The following THRB variants were observed in gnomAD, a reference collection of about 807,000 sequenced individuals.
THRB encodes the protein thyroid hormone receptor beta.
THRB carries 12 observed loss-of-function variants against 47.8 expected under a neutral mutation model. That is an observed-to-expected ratio of 0.25 (90% CI 0.16 to 0.41). The LOEUF (loss-of-function observed/expected upper bound fraction) is 0.41, where lower values mean the gene tolerates loss of function less well. Among genes scored for constraint, THRB ranks in the 10% least tolerant of loss-of-function variants. The probability of loss-of-function intolerance (pLI) is 1.00; values close to 1 mark genes in which losing one functional copy is unlikely to be tolerated. For missense variants in THRB, 348 were observed against 589.2 expected (o/e 0.59, Z 4.24); for synonymous variants, 218 against 212.2 (o/e 1.03, Z -0.24).
At chr3:24,261,517 A>AAC (rs2052019457) in intron 3 of THRB, among the ~76,000 whole-genome samples, 1 of 141,268 alleles carries the variant, frequency 7.1e-6, no homozygotes, top group Admixed American at 7.0e-5. Flanking sequence ...AAAAAAAAAA[A>AAC]ACCAAAAAAA....
At chr3:24,265,120 A>G (rs547990512) in intron 3 of THRB, among the ~76,000 whole-genome samples, 1 of 152,290 alleles carries the variant, frequency 6.6e-6, no homozygotes, top group South Asian at 2.1e-4. Context: ...AGAGTATTAC[A>G]CTGGAAAAAA....
chr3:24,439,915 G>A (rs1013720695), intron 1 of THRB, among the ~76,000 whole-genome samples: 14 of 152,140 alleles, frequency 9.2e-5, no homozygotes, highest in African/African-American at 3.4e-4. Context: ...CATTTAAGGA[G>A]GTGCCCAGAA....
chr3:24,285,922 A>G (rs147616799), intron 3 of THRB, among the ~76,000 whole-genome samples: 2 of 152,220 alleles, frequency 1.3e-5, no homozygotes, highest in East Asian at 3.9e-4. Context: ...CCCCAATGTG[A>G]TGGTATTTGG....
chr3:24,493,539 T>C (rs956749721), intron 1 of THRB, among the ~76,000 whole-genome samples: 2 of 152,226 alleles, frequency 1.3e-5, no homozygotes, highest in Non-Finnish European at 2.9e-5. Context: ...CCAAGACCAA[T>C]AATGTGCTGA....
At chr3:24,346,161 A>G (rs1479383532) in intron 1 of THRB, among the ~76,000 whole-genome samples, 2 of 152,150 alleles carry the variant, frequency 1.3e-5, no homozygotes, top group Non-Finnish European at 2.9e-5. Context: ...TGTGGGATTT[A>G]AAACATAACT....
intron 1 of THRB, among the ~76,000 whole-genome samples, chr3:24,447,958 T>C: frequency 6.6e-6 from 1 of 152,098 alleles, no homozygotes; most frequent in Non-Finnish European, 1.5e-5. Context: ...CTTCATTTGG[T>C]AATTATTTAT....
At chr3:24,465,426 T>C (rs1306159595) in intron 1 of THRB, among the ~76,000 whole-genome samples, 1 of 152,132 alleles carries the variant, frequency 6.6e-6, no homozygotes, top group African/African-American at 2.4e-5. Flanking sequence ...TTTTTGAGAC[T>C]GAGTCTCCCT....
chr3:24,269,018 T>C (rs1016197690), intron 3 of THRB, among the ~76,000 whole-genome samples: 24 of 152,200 alleles, frequency 1.6e-4, no homozygotes, highest in Non-Finnish European at 2.9e-4. Context: ...CAGGGTATTA[T>C]ATAGTTTGTC....
intron 1 of THRB, among the ~76,000 whole-genome samples, chr3:24,382,226 A>C (rs893539430): frequency 7.9e-5 from 12 of 152,150 alleles, no homozygotes; most frequent in Non-Finnish European, 2.9e-5. Flanking sequence ...CTTTTGGAGA[A>C]CTGATAAATT....
At chr3:24,171,109 C>A (rs1277212121) in intron 5 of THRB, among the ~76,000 whole-genome samples, 8 of 152,138 alleles carry the variant, frequency 5.3e-5, no homozygotes, top group African/African-American at 1.4e-4. Context: ...ACATTTGCTG[C>A]CCTTTGAAGT....
At chr3:24,131,671 A>G (rs1438204988) in intron 9 of THRB, among the ~76,000 whole-genome samples, 2 of 152,194 alleles carry the variant, frequency 1.3e-5, no homozygotes, top group Non-Finnish European at 2.9e-5. Flanking sequence ...CCCTTGTAAA[A>G]GACATCCCAA....
upstream of THRB, chr3:24,495,502 C>G (rs950503197): frequency 6.6e-6 from 1 of 152,660 alleles, no homozygotes; most frequent in Non-Finnish European, 1.5e-5. Flanking sequence ...GCTCCCCCTC[C>G]TCCTAATCCC....
intron 3 of THRB, among the ~76,000 whole-genome samples, chr3:24,245,527 A>C (rs538857390): frequency 9.7e-4 from 148 of 152,270 alleles, no homozygotes; most frequent in Middle Eastern, 3.4e-3. Context: ...ATAACAAAAA[A>C]ACCCAACTTT....
chr3:24,346,347 A>T (rs1002447442), intron 1 of THRB, among the ~76,000 whole-genome samples: 1 of 152,068 alleles, frequency 6.6e-6, no homozygotes, highest in Non-Finnish European at 1.5e-5. Context: ...ATAAATGACT[A>T]ACAAGCCAGT....
chr3:24,270,581 G>A (rs1443790444), intron 3 of THRB, among the ~76,000 whole-genome samples: 1 of 152,210 alleles, frequency 6.6e-6, no homozygotes, highest in Non-Finnish European at 1.5e-5. Context: ...CTTAAGAGAA[G>A]CATTGTTGGC....
At chr3:24,215,779 A>G (rs890163472) in intron 4 of THRB, among the ~76,000 whole-genome samples, 1 of 152,168 alleles carries the variant, frequency 6.6e-6, no homozygotes, top group Non-Finnish European at 1.5e-5. Flanking sequence ...ATTGGGCACT[A>G]TTTCCAGGTC....
At chr3:24,451,858 A>C (rs1276404335) in intron 1 of THRB, among the ~76,000 whole-genome samples, 1 of 152,200 alleles carries the variant, frequency 6.6e-6, no homozygotes, top group Non-Finnish European at 1.5e-5. Context: ...TCCAGGGGTC[A>C]AAGGGCCTGG....
rs547938608 is a variant in THRB at position 24,367,225 on chromosome 3, T to A, written c.-260-29854A>T. Among the ~76,000 whole-genome samples, 20 of 152,272 alleles carry A rather than the reference T, an allele frequency of 1.3e-4. No individual in the cohort carries two copies. In the South Asian group the frequency reaches 4.1e-3, roughly 32 times the overall value. Reference sequence around the variant, plus strand: ...TAGGGACAGAGGTCAACGAATACACTGAAGAGGGATTGAGCATTTGTACAT... The same window carrying A: ...TAGGGACAGAGGTCAACGAATACACAGAAGAGGGATTGAGCATTTGTACAT... On this transcript the variant is annotated intron_variant, in intron 1 of 10. Coordinates refer to ENST00000646209, the MANE Select transcript of THRB (RefSeq NM_001354712.2).
chr3:24,143,171 G>A (rs55640600), intron 8 of THRB, among the ~76,000 whole-genome samples: 28,405 of 152,194 alleles, frequency 0.19, 2,962 homozygotes, highest in African/African-American at 0.27. Context: ...AATGGGTATA[G>A]AAAGTAAAAG....
Sources: gnomAD v4.1 joint callset for allele counts (sites outside exome capture counted in the v4.1 genomes callset) on GRCh38, gnomAD v4.1.1 for gene constraint, MANE v1.5 for transcripts, NCBI Gene and HGNC (gene_info 2026-07-23, HGNC 2026-07-21) for gene names.